PAPPA2: variants seen among roughly 807,000 people sequenced by gnomAD.
PAPPA2 encodes the protein pappalysin-2.
Under a neutral mutation model 176.4 loss-of-function variants are expected in PAPPA2, and 86 were observed. The observed-to-expected ratio is 0.49, with a 90% confidence interval of 0.41 to 0.58. The LOEUF (loss-of-function observed/expected upper bound fraction) is 0.58. Among genes scored for constraint, PAPPA2 ranks in the 20% least tolerant of loss-of-function variants. PAPPA2 has a pLI of 0.00. For synonymous variants in PAPPA2, 809 were observed against 852.2 expected, an observed-to-expected ratio of 0.95 and a Z score of 0.88; for missense variants, 2,073 against 2,256.9, an observed-to-expected ratio of 0.92 and a Z score of 1.65.
chr1:176,614,209 TTGTC>T (rs1013892267), intron 3 of PAPPA2, among the ~76,000 whole-genome samples: 5 of 151,562 alleles, frequency 3.3e-5, no homozygotes, highest in Non-Finnish European at 7.4e-5. Flanking sequence ...AGGAGGCACT[TTGTC>T]TTTCTTTTCT....
At chr1:176,624,269 G>A (rs551837090) in intron 3 of PAPPA2, among the ~76,000 whole-genome samples, 15 of 152,230 alleles carry the variant, frequency 9.9e-5, no homozygotes, top group Non-Finnish European at 1.6e-4. Context: ...CTGCACATCT[G>A]GGCAGATGCT....
At chr1:176,497,090 A>G (rs1008788847) in intron 1 of PAPPA2, among the ~76,000 whole-genome samples, 1 of 152,180 alleles carries the variant, frequency 6.6e-6, no homozygotes, top group Non-Finnish European at 1.5e-5. Context: ...GCCTGTACTT[A>G]GAAATATTGT....
At chr1:176,517,553 A>G (rs2102532509) in intron 1 of PAPPA2, among the ~76,000 whole-genome samples, 1 of 152,312 alleles carries the variant, frequency 6.6e-6, no homozygotes, top group East Asian at 1.9e-4. Flanking sequence ...GTGTTTAGGG[A>G]AGGCAGTGAG....
At chr1:176,778,757 T>TG (rs1664574033) in intron 17 of PAPPA2, among the ~76,000 whole-genome samples, 1 of 152,212 alleles carries the variant, frequency 6.6e-6, no homozygotes, top group South Asian at 2.1e-4. Flanking sequence ...TGTACACTCA[T>TG]GTATCTGTGA....
At chr1:176,501,336 A>G (rs998664607) in intron 1 of PAPPA2, among the ~76,000 whole-genome samples, 2 of 152,184 alleles carry the variant, frequency 1.3e-5, no homozygotes, top group African/African-American at 2.4e-5. Context: ...GTAATTACAA[A>G]GAAACAAGAA....
At chr1:176,609,467 CAG>C (rs774116453) in intron 3 of PAPPA2, among the ~76,000 whole-genome samples, 9 of 152,082 alleles carry the variant, frequency 5.9e-5, no homozygotes, top group African/African-American at 4.8e-5. Flanking sequence ...ATAAGGGAAA[CAG>C]AGAGTACTTG....
intron 3 of PAPPA2, among the ~76,000 whole-genome samples, chr1:176,666,606 T>TGAGA (rs1236696077): frequency 8.4e-4 from 101 of 120,110 alleles, no homozygotes; most frequent in Middle Eastern, 4.3e-3. Context: ...TGTGTGTGTG[T>TGAGA]GTGAGAGAGA....
chr1:176,683,434 C>T (rs1392513632), intron 4 of PAPPA2, among the ~76,000 whole-genome samples: 1 of 152,152 alleles, frequency 6.6e-6, no homozygotes, highest in South Asian at 2.1e-4. Flanking sequence ...TATTGGGACG[C>T]ATTGGGTTCA....
chr1:176,581,394 T>A (rs1036678645), intron 2 of PAPPA2, among the ~76,000 whole-genome samples: 3 of 152,184 alleles, frequency 2.0e-5, no homozygotes, highest in Non-Finnish European at 4.4e-5. Context: ...TCTGGTGGTG[T>A]GATGCCTCCA....
chr1:176,783,683 C>T (rs1664812429), intron 17 of PAPPA2, among the ~76,000 whole-genome samples: 1 of 152,204 alleles, frequency 6.6e-6, no homozygotes, highest in African/African-American at 2.4e-5. Flanking sequence ...GAAGAAATCA[C>T]AGAGCAAGAA....
intron 19 of PAPPA2, among the ~76,000 whole-genome samples, chr1:176,792,622 C>T (rs1227586907): frequency 2.0e-5 from 3 of 151,998 alleles, no homozygotes; most frequent in Non-Finnish European, 2.9e-5. Context: ...ACTAACTCGT[C>T]GGTGGGTGCA....
chr1:176,470,059 C>G (rs1300307779), intron 1 of PAPPA2, among the ~76,000 whole-genome samples: 1 of 152,136 alleles, frequency 6.6e-6, no homozygotes, highest in Admixed American at 6.5e-5. Flanking sequence ...GATGGAATTT[C>G]TGTAACAGGA....
At chr1:176,791,173 A>ATTTTTTTTTTTTTTTTT (rs57185368) in intron 18 of PAPPA2, among the ~76,000 whole-genome samples, 174 bp from the exon 19 acceptor site, 1 of 80,880 alleles carries the variant, frequency 1.2e-5, no homozygotes, top group African/African-American at 6.0e-5. Context: ...AAAGCAAAGA[A>ATTTTTTTTTTTTTTTTT]TTTTTTTTTT....
At chr1:176,747,650 A>T (rs544303547) in intron 14 of PAPPA2, among the ~76,000 whole-genome samples, 1 of 152,354 alleles carries the variant, frequency 6.6e-6, no homozygotes, top group African/African-American at 2.4e-5. Context: ...TTAGTTTTCT[A>T]ATGTTGTATA....
At chr1:176,503,108 A>G (rs1648060525) in intron 1 of PAPPA2, among the ~76,000 whole-genome samples, 1 of 152,124 alleles carries the variant, frequency 6.6e-6, no homozygotes, top group African/African-American at 2.4e-5. Context: ...TCAGAGGGCT[A>G]TGTTCCTTCT....
chr1:176,588,185 AGT>A (rs1391246099), intron 2 of PAPPA2, among the ~76,000 whole-genome samples: 2 of 152,156 alleles, frequency 1.3e-5, no homozygotes, highest in Non-Finnish European at 2.9e-5. Flanking sequence ...TGTGAATGGG[AGT>A]TCATTCATGA....
intron 1 of PAPPA2, among the ~76,000 whole-genome samples, chr1:176,471,805 C>T (rs915687126): frequency 1.3e-5 from 2 of 152,134 alleles, no homozygotes; most frequent in Non-Finnish European, 2.9e-5. Context: ...GTATTTGTTA[C>T]TCGGGGCATT....
intron 21 of PAPPA2, among the ~76,000 whole-genome samples, chr1:176,804,928 G>C (rs1281004241): frequency 1.3e-5 from 2 of 152,022 alleles, no homozygotes; most frequent in African/African-American, 4.8e-5. Context: ...TCCCAGCATA[G>C]AGAAAGAAAG....
intron 21 of PAPPA2, among the ~76,000 whole-genome samples, chr1:176,820,250 A>G (rs919322136): frequency 1.3e-5 from 2 of 152,200 alleles, no homozygotes; most frequent in African/African-American, 4.8e-5. Context: ...TAGGTTCTCC[A>G]TAGCCTTTTC....
Sources: allele counts gnomAD v4.1 joint callset (sites outside exome capture counted in the v4.1 genomes callset), GRCh38; gene constraint gnomAD v4.1.1; transcripts MANE v1.5; gene names NCBI Gene and HGNC (gene_info 2026-07-23, HGNC 2026-07-21).